The following IMMP2L variants were observed in gnomAD, a reference collection of about 807,000 sequenced individuals.
IMMP2L encodes mitochondrial inner membrane protease subunit 2.
IMMP2L carries 18 observed loss-of-function variants against 19.3 expected under a neutral mutation model. That is an observed-to-expected ratio of 0.93 (90% CI 0.64 to 1.38). The LOEUF (loss-of-function observed/expected upper bound fraction) is 1.38. IMMP2L is among the 40% of genes most tolerant of loss of function. IMMP2L has a pLI of 0.00. For missense variants in IMMP2L, 233 were observed against 218.2 expected (o/e 1.07, Z -0.43); for synonymous variants, 76 against 73.0 (o/e 1.04, Z -0.21).
chr7:111,282,237 T>C (rs1758703107), intron 3 of IMMP2L, among the ~76,000 whole-genome samples: 2 of 152,332 alleles, frequency 1.3e-5, no homozygotes, highest in East Asian at 1.9e-4. Context: ...TCTCCACTGT[T>C]CTGGTCTCCC....
intron 4 of IMMP2L, among the ~76,000 whole-genome samples, chr7:110,950,868 A>ATATATATATATATATATATATATG (rs1367615263): frequency 7.1e-6 from 1 of 140,620 alleles, no homozygotes; most frequent in Non-Finnish European, 1.5e-5. Flanking sequence ...ATATATATAT[A>ATATATATATATATATATATATATG]TATGTATATA....
At chr7:110,998,607 T>G (rs973104391) in intron 3 of IMMP2L, among the ~76,000 whole-genome samples, 2 of 152,154 alleles carry the variant, frequency 1.3e-5, no homozygotes, top group Non-Finnish European at 2.9e-5. Flanking sequence ...TTAGGAAAAT[T>G]TTCTGGATTC....
At chr7:110,735,623 T>C (rs779214063) in intron 5 of IMMP2L, among the ~76,000 whole-genome samples, 15 of 149,266 alleles carry the variant, frequency 1.0e-4, no homozygotes, top group Non-Finnish European at 2.2e-4. Context: ...GGCAAAACTC[T>C]GTGTCTACAA....
At chr7:111,297,200 A>T (rs938052242) in intron 3 of IMMP2L, among the ~76,000 whole-genome samples, 2 of 152,066 alleles carry the variant, frequency 1.3e-5, no homozygotes, top group African/African-American at 4.8e-5. Context: ...ATACATGTAC[A>T]CTGAAATGAA....
At chr7:111,360,276 G>GT (rs1403443716) in intron 3 of IMMP2L, among the ~76,000 whole-genome samples, 1 of 152,026 alleles carries the variant, frequency 6.6e-6, no homozygotes, top group Non-Finnish European at 1.5e-5. Context: ...TTATTAAAAT[G>GT]TAACACTTTT....
At chr7:110,961,568 G>A (rs1370754908) in intron 4 of IMMP2L, among the ~76,000 whole-genome samples, 5 of 151,528 alleles carry the variant, frequency 3.3e-5, no homozygotes, top group Non-Finnish European at 5.9e-5. Flanking sequence ...CGATAGAAAT[G>A]AGAATATGTT....
intron 3 of IMMP2L, among the ~76,000 whole-genome samples, chr7:111,201,359 T>C (rs1013170384): frequency 1.3e-5 from 2 of 151,992 alleles, no homozygotes; most frequent in Non-Finnish European, 2.9e-5. Context: ...ACTGCTATGG[T>C]CTGAATGTTG....
At chr7:111,556,035 T>TATATATATATATATATATATACACAC (rs1554550178) in intron 1 of IMMP2L, among the ~76,000 whole-genome samples, 154 of 135,684 alleles carry the variant, frequency 1.1e-3, no homozygotes, top group African/African-American at 4.0e-3. Flanking sequence ...TATATATATA[T>TATATATATATATATATATATACACAC]ACATACCCAA....
chr7:111,461,012 T>TC (rs1417678814), intron 3 of IMMP2L, among the ~76,000 whole-genome samples: 3 of 84,048 alleles, frequency 3.6e-5, no homozygotes, highest in Non-Finnish European at 7.6e-5. Flanking sequence ...CATAATCTTT[T>TC]TCCATGTTAC....
Position 110,803,176 on chromosome 7 carries a change from G to A in IMMP2L, c.408+83417C>T, listed in dbSNP as rs143324864. On this transcript the variant is annotated intron_variant, in intron 5 of 5. Transcript: ENST00000405709. This position sits in a 1 kb window ranked among gnomAD's most constrained non-coding sequence, Gnocchi z 4.2. ...GTAATGGAGGGGCATATTAGGTAGT[G>A]GGAACAAAATGGACATAATCTCTGA... Among the ~76,000 whole-genome samples, 971 of 152,082 alleles carry A rather than the reference G, an allele frequency of 6.4e-3. 7 individuals are homozygous for A. Among genetic ancestry groups the A allele is most frequent in the African/African-American group, 0.022 (918 of 41,512 alleles).
intron 4 of IMMP2L, among the ~76,000 whole-genome samples, chr7:110,919,744 G>A (rs1163475771): frequency 2.0e-5 from 3 of 152,116 alleles, no homozygotes; most frequent in Non-Finnish European, 2.9e-5. Context: ...AACATAAACT[G>A]TGATGATTGC....
At chr7:111,142,345 AAAG>A (rs1803017939) in intron 3 of IMMP2L, among the ~76,000 whole-genome samples, 24 of 27,042 alleles carry the variant, frequency 8.9e-4, no homozygotes, top group Admixed American at 1.3e-3. Context: ...AAAAAAAAAG[AAAG>A]AAAGAAAGAA....
intron 3 of IMMP2L, among the ~76,000 whole-genome samples, chr7:111,447,126 A>T (rs1838560441): frequency 6.8e-6 from 1 of 146,116 alleles, no homozygotes; most frequent in African/African-American, 2.6e-5. Flanking sequence ...AAGTTGGAAA[A>T]CACTCTGCAG....
chr7:110,855,838 CA>C (rs919625896), intron 5 of IMMP2L, among the ~76,000 whole-genome samples: 2 of 151,930 alleles, frequency 1.3e-5, no homozygotes, highest in African/African-American at 4.8e-5. Flanking sequence ...TAAACTTAGA[CA>C]GGTACTTGCC....
At chr7:110,818,800 G>A (rs1802767665) in intron 5 of IMMP2L, among the ~76,000 whole-genome samples, 1 of 151,946 alleles carries the variant, frequency 6.6e-6, no homozygotes, top group Admixed American at 6.6e-5. Context: ...ATGAGTTCAT[G>A]TCCTTTGTAG....
At chr7:110,875,274 A>G (rs1391954795) in intron 5 of IMMP2L, among the ~76,000 whole-genome samples, 2 of 152,096 alleles carry the variant, frequency 1.3e-5, no homozygotes, top group Non-Finnish European at 2.9e-5. Context: ...TCTAAAAACA[A>G]TGGCCCAGTG....
intron 3 of IMMP2L, among the ~76,000 whole-genome samples, chr7:111,130,449 C>T (rs933176812): frequency 4.6e-5 from 7 of 152,066 alleles, no homozygotes; most frequent in Non-Finnish European, 8.8e-5. Flanking sequence ...CACCAAGAAA[C>T]TAATAGTATG....
chr7:110,691,242 G>A (rs1044750700), intron 5 of IMMP2L, among the ~76,000 whole-genome samples: 3 of 152,070 alleles, frequency 2.0e-5, no homozygotes, highest in Non-Finnish European at 4.4e-5. Flanking sequence ...GTCATAAGTG[G>A]TGCTAAGAAA....
At chr7:110,666,774 C>G (rs970970268) in intron 5 of IMMP2L, among the ~76,000 whole-genome samples, 2 of 152,200 alleles carry the variant, frequency 1.3e-5, no homozygotes, top group Non-Finnish European at 2.9e-5. Flanking sequence ...TTCATTTATA[C>G]TTTCCTAAAA....
Sources: allele counts gnomAD v4.1 joint callset (sites outside exome capture counted in the v4.1 genomes callset), GRCh38; gene constraint gnomAD v4.1.1; non-coding constraint Gnocchi (gnomAD v3.1); transcripts MANE v1.5; gene names NCBI Gene and HGNC (gene_info 2026-07-23, HGNC 2026-07-21).